Variants in GOT2 observed in about 807,000 individuals in gnomAD.
The protein encoded by GOT2 is glutamic-oxaloacetic transaminase 2, also known as aspartate aminotransferase, mitochondrial.
A neutral mutation model predicts 50.0 loss-of-function variants in GOT2; 17 were observed. That is an observed-to-expected ratio of 0.34 (90% CI 0.23 to 0.51). The LOEUF (loss-of-function observed/expected upper bound fraction) is 0.51, where lower values mean the gene tolerates loss of function less well. GOT2 is among the 20% of genes least tolerant of loss of function. The pLI is 0.97. For missense variants in GOT2, 430 were observed against 559.6 expected, an observed-to-expected ratio of 0.77 and a Z score of 2.34; for synonymous variants, 172 against 204.9, an observed-to-expected ratio of 0.84 and a Z score of 1.37.
chr16:58,723,613 G>A (rs2044757774), intron 2 of GOT2, 133 bp downstream of exon 2: 1 of 732,148 alleles, frequency 1.4e-6, no homozygotes, highest in Non-Finnish European at 2.3e-6. Flanking sequence ...AGAAAACCCG[G>A]GTGATTCATG....
intron 1 of GOT2, among the ~76,000 whole-genome samples, chr16:58,728,025 AC>A (rs1378288466): frequency 9.2e-5 from 14 of 152,086 alleles, no homozygotes; most frequent in Admixed American, 3.9e-4. Flanking sequence ...GCACTCATAC[AC>A]CTCACTCCTC....
intron 4 of GOT2, 88 bp from the exon 5 acceptor site, chr16:58,718,776 C>T: frequency 9.3e-7 from 1 of 1,071,366 alleles, no homozygotes; most frequent in Non-Finnish European, 1.3e-6. Context: ...ACATTTTTCT[C>T]TGCTGAAACC....
Position 58,715,621 on chromosome 16 carries a change from C to A in GOT2, c.1019+393G>T, listed in dbSNP as rs187909555. On this transcript the variant is annotated intron_variant, in intron 8 of 9. Transcript: ENST00000245206. ...AGGCTGGAGTGCAATGGCGCAATCT[C>A]GGCTCACTGCAGCCTTCGCCTCCCA... Among the ~76,000 whole-genome samples, 638 of 152,282 alleles carry A rather than the reference C, an allele frequency of 4.2e-3. 4 individuals are homozygous for A. The highest frequency in any genetic ancestry group is 0.034 in the Middle Eastern group (10 of 294).
chr16:58,718,442 C>G, intron 5 of GOT2, 85 bp downstream of exon 5: 1 of 1,402,502 alleles, frequency 7.1e-7, no homozygotes, highest in South Asian at 1.3e-5. Context: ...TATTTTAACT[C>G]AGATATTGGG....
At chr16:58,724,321 C>T (rs1400763217) in intron 1 of GOT2, among the ~76,000 whole-genome samples, 3 of 146,960 alleles carry the variant, frequency 2.0e-5, no homozygotes, top group Non-Finnish European at 3.0e-5. Flanking sequence ...CTCGCTCTGT[C>T]ACCCAGGCTG....
chr16:58,708,088 C>G lies in GOT2; in HGVS notation c.*83G>C. 7.4e-7 allele frequency: 1 copy of G among 1,348,822 alleles called. No individual in the cohort carries two copies. Among genetic ancestry groups the G allele is most frequent in the Non-Finnish European group, 1.0e-6 (1 of 964,064 alleles). The allele number at this position is 1,348,822 out of a possible 1,614,324, so 83.6% of individuals were successfully genotyped here. A position where few individuals can be genotyped will look rare whatever the true frequency, so the allele number is the denominator to read the frequency against. ...GAAATGATCCACTCACCACCATCCACCCTCTCTCATTGTCTGTGTGAAGCT... is the reference window on the plus strand; with the variant it reads ...GAAATGATCCACTCACCACCATCCAGCCTCTCTCATTGTCTGTGTGAAGCT... On this transcript the variant is annotated 3_prime_UTR_variant, in exon 10 of 10. Transcript: ENST00000245206.
chr16:58,719,339 T>TG lies in GOT2; in HGVS notation c.376-85_376-84insC, dbSNP rs2044721991. On this transcript the variant is annotated intron_variant, in intron 3 of 9. Coordinates refer to ENST00000245206, the MANE Select transcript of GOT2 (RefSeq NM_002080.4). ...CAGGGCCACTGCTTTGTCCAGGACC[T>TG]TTCATACTTCAGAAGCTCATTCTTT... The TG allele has an allele frequency of 2.4e-5, 21 of 874,146 alleles. 1 individual carries two copies. Among genetic ancestry groups the TG allele is most frequent in the South Asian group, 1.1e-4 (8 of 72,374 alleles). The allele number at this position is 874,146 out of a possible 1,614,324, so 54.1% of individuals were successfully genotyped here.
At chr16:58,712,240 G>A (rs1009379532) in intron 8 of GOT2, among the ~76,000 whole-genome samples, 1 of 152,092 alleles carries the variant, frequency 6.6e-6, no homozygotes, top group Non-Finnish European at 1.5e-5. Context: ...GGCCAGGCGC[G>A]GTGGCTCACG....
chr16:58,723,112 C>T (rs959613897), intron 2 of GOT2, among the ~76,000 whole-genome samples: 3 of 152,194 alleles, frequency 2.0e-5, no homozygotes, highest in African/African-American at 7.2e-5. Context: ...ATTTCTACCT[C>T]TCACAGTGTT....
At chr16:58,730,559 T>C (rs926343753) in intron 1 of GOT2, among the ~76,000 whole-genome samples, 11 of 152,056 alleles carry the variant, frequency 7.2e-5, no homozygotes, top group Admixed American at 5.9e-4. Flanking sequence ...GAGATGGGGT[T>C]GTGCCATATT....
At chr16:58,728,576 T>G (rs2044806107) in intron 1 of GOT2, among the ~76,000 whole-genome samples, 1 of 152,226 alleles carries the variant, frequency 6.6e-6, no homozygotes, top group Non-Finnish European at 1.5e-5. Flanking sequence ...TGCAGGTCCT[T>G]TCTGTTTTTC....
rs116639282 is a variant in GOT2 at position 58,725,931 on chromosome 16, T to C, written c.90-2029A>G. On this transcript the variant is annotated intron_variant, in intron 1 of 9. Coordinates refer to ENST00000245206, the MANE Select transcript of GOT2 (RefSeq NM_002080.4). ...CAAACTTTGTGATCTTTAGATCCTG[T>C]TATACTCTTAAAACTTACTGAAAAC... 4.4e-3 allele frequency among the ~76,000 whole-genome samples: 669 copies of C among 152,348 alleles called. 4 individuals carry two copies. Among genetic ancestry groups the C allele is most frequent in the Middle Eastern group, 0.034 (10 of 294 alleles).
intron 2 of GOT2, 74 bp downstream of exon 2, chr16:58,723,672 A>T: frequency 8.1e-7 from 1 of 1,239,602 alleles, no homozygotes; most frequent in African/African-American, 1.5e-5. Flanking sequence ...CCGGTCCAGC[A>T]CTATTCCTGC....
Position 58,716,712 on chromosome 16 carries a change from G to T in GOT2, c.804C>A (p.Gly268=). 6.2e-7 allele frequency: 1 copy of T among 1,613,850 alleles called. No individual in the cohort carries two copies. The highest frequency in any genetic ancestry group is 1.1e-5 in the South Asian group (1 of 91,056). The part of the protein sequence containing the change: ...AWAVRHFIEQ[G]INVCLCQSYA... The stretch of plus-strand genomic sequence containing the variant: ...ATGATTGGCAGAGGCAAACATTAAT[G>T]CCCTGTTCGATGAAGTGGCGCACAG... Residue 268 remains glycine, a synonymous_variant, in exon 7 of 10, where the codon GGC becomes GGA. Transcript: ENST00000245206.
chr16:58,711,060 A>AG (rs2044644202), intron 8 of GOT2, among the ~76,000 whole-genome samples: 1 of 151,922 alleles, frequency 6.6e-6, no homozygotes, highest in South Asian at 2.1e-4. Flanking sequence ...AAAAAAAAAA[A>AG]TGACCTTATT....
Position 58,722,233 on chromosome 16 carries a change from G to A in GOT2, c.292C>T (p.Pro98Ser). ...AAKNLDKEYL[P>S]IGGLAEFCKA... The stretch of plus-strand genomic sequence containing the variant: ...CAAAATTCAGCCAGTCCCCCAATGG[G>A]CAGGTATTCCTTGTCCAAATTTTTT... Residue 98 changes from proline (P) to serine (S), a missense_variant, in exon 3 of 10, where the codon CCC becomes TCC. Transcript: ENST00000245206. 6.2e-7 allele frequency: 1 copy of A among 1,612,942 alleles called. No individual in the cohort carries two copies. The highest frequency in any genetic ancestry group is 8.5e-7 in the Non-Finnish European group (1 of 1,179,692).
At chr16:58,709,962 G>A (rs771746584) in intron 8 of GOT2, among the ~76,000 whole-genome samples, 28 of 152,196 alleles carry the variant, frequency 1.8e-4, no homozygotes, top group Non-Finnish European at 3.2e-4. Flanking sequence ...AAATGGCTTT[G>A]TGTTAGATGA....
At chr16:58,709,214 G>C (rs2044625522) in intron 9 of GOT2, 2 of 477,352 alleles carry the variant, frequency 4.2e-6, no homozygotes, top group Non-Finnish European at 7.5e-6. Flanking sequence ...AGTGAGCTGA[G>C]ATTGCACCAC....
intron 1 of GOT2, among the ~76,000 whole-genome samples, chr16:58,727,653 T>C (rs2044798281): frequency 6.6e-6 from 1 of 152,090 alleles, no homozygotes; most frequent in Non-Finnish European, 1.5e-5. Context: ...GGATATTACT[T>C]ATGGGAGCCC....
Sources: allele counts gnomAD v4.1 joint callset (sites outside exome capture counted in the v4.1 genomes callset), GRCh38; gene constraint gnomAD v4.1.1; transcripts MANE v1.5; gene names NCBI Gene and HGNC (gene_info 2026-07-23, HGNC 2026-07-21).